The following GCN1 variants were observed in gnomAD, a reference collection of about 807,000 sequenced individuals.
The protein encoded by GCN1 is GCN1 activator of EIF2AK4, also known as stalled ribosome sensor GCN1.
Under a neutral mutation model 288.4 loss-of-function variants are expected in GCN1, and 90 were observed. The observed-to-expected ratio is 0.31, with a 90% CI of 0.26 to 0.37. The LOEUF (loss-of-function observed/expected upper bound fraction) is 0.37, where lower values mean the gene tolerates loss of function less well. GCN1 is among the 10% of genes least tolerant of loss of function. The pLI, the probability that GCN1 is intolerant of heterozygous loss-of-function variation, is 1.00. For synonymous variants in GCN1, 1,386 were observed against 1,420.2 expected (o/e 0.98, Z 0.54); for missense variants, 2,586 against 3,419.9 (o/e 0.76, Z 6.08).
intron 33 of GCN1, among the ~76,000 whole-genome samples, chr12:120,152,277 C>T (rs376004272): frequency 4.6e-5 from 7 of 151,832 alleles, no homozygotes; most frequent in African/African-American, 1.7e-4. Flanking sequence ...AATCCTCCCA[C>T]CTCAGCCTCC....
At chr12:120,174,662 G>A (rs1566315849) in intron 12 of GCN1, among the ~76,000 whole-genome samples, 2 of 151,778 alleles carry the variant, frequency 1.3e-5, no homozygotes, top group Non-Finnish European at 2.9e-5. Flanking sequence ...GTGGTGGTGT[G>A]TGCCTGTAGT....
Position 120,155,736 on chromosome 12 carries a change from T to C in GCN1, c.3313-17A>G, listed in dbSNP as rs558873988. ...CATCAGCCCCTGGAAGGGGTGGGAT[T>C]GGACCGTGTGAGGCATCATCTTTCA... On this transcript the variant is annotated splice_polypyrimidine_tract_variant and intron_variant, in intron 28 of 57. Transcript: ENST00000300648. The surrounding 1 kb of genome is among the most constrained non-coding windows in gnomAD (Gnocchi z 4.9). The C allele has an allele frequency of 5.9e-5, 96 of 1,613,748 alleles. 1 individual carries two copies. In the South Asian group the frequency reaches 9.8e-4, roughly 16 times the overall value.
At chr12:120,165,471 A>G (rs1222777628) in intron 16 of GCN1, among the ~76,000 whole-genome samples, 5 of 150,214 alleles carry the variant, frequency 3.3e-5, no homozygotes, top group Non-Finnish European at 7.4e-5. Flanking sequence ...CACCTAGCCT[A>G]TTTTTACTTT....
chr12:120,138,460 C>T, intron 46 of GCN1, 45 bp from the exon 47 acceptor site: 1 of 1,246,568 alleles, frequency 8.0e-7, no homozygotes, highest in Non-Finnish European at 1.2e-6. Flanking sequence ...TGCATCTCTG[C>T]TGTCTCAACC....
chr12:120,143,883 A>G (rs905409357), intron 42 of GCN1, among the ~76,000 whole-genome samples: 3 of 152,252 alleles, frequency 2.0e-5, no homozygotes, highest in Non-Finnish European at 2.9e-5. Flanking sequence ...AATGGTTAAA[A>G]GCAAGGGTCT....
rs1257685951 is a variant in GCN1 at position 120,130,683 on chromosome 12, C to T, written c.7634G>A (p.Gly2545Glu). The T allele has an allele frequency of 6.2e-7, 1 of 1,613,988 alleles. No homozygotes were observed. Among genetic ancestry groups the T allele is most frequent in the East Asian group, 2.2e-5 (1 of 44,880 alleles). Reference sequence around the variant, plus strand: ...GCTGGAAAGTTTGGCCGGCAACTGCCCTCCGCCTGTCTCGATGTGGTGTCT... The same window carrying T: ...GCTGGAAAGTTTGGCCGGCAACTGCTCTCCGCCTGTCTCGATGTGGTGTCT... ...LMRHHIETGG[G>E]QLPAKLSSLF... The change falls in exon 56 of 58, where the codon GGG becomes GAG. Residue 2545 changes from glycine to glutamate, a missense_variant. By Grantham distance (98) the Gly-to-Glu change is moderately conservative. Transcript: ENST00000300648.
At chr12:120,165,756 G>A (rs1185970987) in intron 16 of GCN1, among the ~76,000 whole-genome samples, 1 of 151,952 alleles carries the variant, frequency 6.6e-6, no homozygotes, top group Non-Finnish European at 1.5e-5. Flanking sequence ...TTACAGGCAT[G>A]AGCCACCATG....
At chr12:120,169,276 C>CAAAAAAAAAAAAAAAAAAAAAAAAAAA (rs35819206) in intron 15 of GCN1, among the ~76,000 whole-genome samples, 1 of 66,666 alleles carries the variant, frequency 1.5e-5, no homozygotes, top group Non-Finnish European at 2.6e-5. Context: ...AACTCCGTCT[C>CAAAAAAAAAAAAAAAAAAAAAAAAAAA]AAAAAAAAAA....
In GCN1 at chr12:120,144,922, C is replaced by T; in HGVS notation, c.5155+1G>A. 1 of 1,614,218 alleles carries T rather than the reference C, an allele frequency of 6.2e-7. No individual in the cohort carries two copies. Among genetic ancestry groups the T allele is most frequent in the Non-Finnish European group, 8.5e-7 (1 of 1,180,036 alleles). ...GGCCACTGGACCTGCTCTGGCCTTA[C>T]CCTGTGCAGCGCCTGAGCGATCCAC... is the stretch of plus-strand genomic sequence containing the variant. On this transcript the variant is annotated splice_donor_variant, in intron 40 of 57. Coordinates refer to ENST00000300648, the MANE Select transcript of GCN1 (RefSeq NM_006836.2). LOFTEE classifies it high-confidence loss of function. This position sits in a 1 kb window ranked among gnomAD's most constrained non-coding sequence, Gnocchi z 4.7.
Position 120,155,037 on chromosome 12 carries a change from G to T in GCN1, c.3634C>A (p.Pro1212Thr). ...MEIYQEKLYR[P>T]PPVLDALGRV... is the part of the protein sequence containing the mutation. The stretch of plus-strand genomic sequence containing the variant: ...CCCAAAGCATCCAGCACTGGGGGCG[G>T]CCGCTGCAACAGACAAGTTGGTAAA... The change falls in exon 31 of 58, where the codon CCG becomes ACG. Residue 1212 changes from proline (P) to threonine (T), a missense_variant. This residue lies in a region of GCN1 where 332 missense variants were observed against 403.0 expected (regional missense o/e 0.82). Transcript: ENST00000300648. The surrounding 1 kb of genome is among the most constrained non-coding windows in gnomAD (Gnocchi z 4.9). 1 of 1,613,472 alleles carries T rather than the reference G, an allele frequency of 6.2e-7. No homozygotes were observed.
chr12:120,134,095 A>C lies in GCN1; in HGVS notation c.7317+196T>G, dbSNP rs887133990. Among the ~76,000 whole-genome samples the C allele has an allele frequency of 2.0e-5, 3 of 152,156 alleles. No homozygotes were observed. The highest frequency in any genetic ancestry group is 1.3e-4 in the Admixed American group (2 of 15,272). ...ACAAACAAACAAACGGAAATAACCAATATATCCACAATACCTGCCCCGTTT... is the reference window on the plus strand; with the variant it reads ...ACAAACAAACAAACGGAAATAACCACTATATCCACAATACCTGCCCCGTTT... On this transcript the variant is annotated intron_variant, in intron 53 of 57. Transcript: ENST00000300648. This position sits in a 1 kb window ranked among gnomAD's most constrained non-coding sequence, Gnocchi z 5.0.
chr12:120,159,915 A>G lies in GCN1; in HGVS notation c.2659T>C (p.Leu887=), dbSNP rs376915663. 6.5e-5 allele frequency: 105 copies of G among 1,614,162 alleles called. No individual in the cohort carries two copies. The African/African-American group carries it at 1.3e-3, about 19-fold the overall frequency. ...GGAGCAGCCAGGGGAGACTTCAGCA[A>G]GGGCAGAAAAGAGTCGACCAAAACA... is the stretch of plus-strand genomic sequence containing the variant. ...IPVLVDSFLP[L]LKSPLAAPRI... Residue 887 remains leucine, a synonymous_variant, in exon 24 of 58, where the codon TTG becomes CTG. Transcript: ENST00000300648.
At chr12:120,177,806 T>A in intron 7 of GCN1, 54 bp from the exon 8 acceptor site, 2 of 1,266,464 alleles carry the variant, frequency 1.6e-6, no homozygotes. Context: ...ATCTCATCAC[T>A]GGCCTAAGGG....
In GCN1 at chr12:120,151,408, C is replaced by T. The variant is rs1399880287; in HGVS notation, c.4063-17G>A. On this transcript the variant is annotated splice_polypyrimidine_tract_variant and intron_variant, in intron 33 of 57. Transcript: ENST00000300648. Reference sequence around the variant, plus strand: ...CTCCTGGACCTGGGGAAGGGCCCACCTGTCAATGCTGTGGCTCCGCTGCAG... The same window carrying T: ...CTCCTGGACCTGGGGAAGGGCCCACTTGTCAATGCTGTGGCTCCGCTGCAG... The T allele has an allele frequency of 1.2e-6, 2 of 1,611,920 alleles. No homozygotes were observed. The highest frequency in any genetic ancestry group is 1.7e-5 in the Admixed American group (1 of 60,006).
chr12:120,161,840 T>C, intron 21 of GCN1, 40 bp downstream of exon 21: 3 of 1,593,088 alleles, frequency 1.9e-6, no homozygotes, highest in Non-Finnish European at 2.6e-6. Flanking sequence ...AACTATGCCT[T>C]GGGGAGCAAA....
intron 2 of GCN1, among the ~76,000 whole-genome samples, chr12:120,185,253 T>G (rs1321815897): frequency 6.6e-6 from 1 of 152,212 alleles, no homozygotes; most frequent in Non-Finnish European, 1.5e-5. Flanking sequence ...GAGGCGTACC[T>G]TTCTTCACAT....
Position 120,144,054 on chromosome 12 carries a change from G to A in GCN1, c.5495+252C>T, listed in dbSNP as rs112398510. On this transcript the variant is annotated intron_variant, in intron 42 of 57. Coordinates refer to ENST00000300648, the MANE Select transcript of GCN1 (RefSeq NM_006836.2). The surrounding 1 kb of genome is among the most constrained non-coding windows in gnomAD (Gnocchi z 4.7). ...TGCAGTGGCACAATCTCGGCTCACT[G>A]CAACCTCTACCTCTGGGGCTCAAGT... 1.5e-3 allele frequency among the ~76,000 whole-genome samples: 229 copies of A among 152,222 alleles called. No homozygotes were observed. Among genetic ancestry groups the A allele is most frequent in the African/African-American group, 5.3e-3 (220 of 41,542 alleles).
rs1387810467 is a variant in GCN1 at position 120,134,180 on chromosome 12, C to G, written c.7317+111G>C. On this transcript the variant is annotated intron_variant, in intron 53 of 57. Coordinates refer to ENST00000300648, the MANE Select transcript of GCN1 (RefSeq NM_006836.2). The surrounding 1 kb of genome is among the most constrained non-coding windows in gnomAD (Gnocchi z 5.0). ...CAGGGTGATAGAAATGTCAGGAATGCTTATTACTACTGAGCTGTACTGGTT... is the reference window on the plus strand; with the variant it reads ...CAGGGTGATAGAAATGTCAGGAATGGTTATTACTACTGAGCTGTACTGGTT... The G allele has an allele frequency of 1.5e-6, 1 of 687,394 alleles. No homozygotes were observed. The highest frequency in any genetic ancestry group is 1.7e-5 in the South Asian group (1 of 58,904). 42.6% of individuals were successfully genotyped at this position (687,394 alleles called of 1,614,324 possible).
chr12:120,141,855 T>C (rs563752007), intron 44 of GCN1, among the ~76,000 whole-genome samples: 20 of 152,316 alleles, frequency 1.3e-4, no homozygotes, highest in Admixed American at 4.6e-4. Flanking sequence ...TATAAGCATT[T>C]GCAGTGCCAT....
Sources: gnomAD v4.1 joint callset for allele counts (sites outside exome capture counted in the v4.1 genomes callset) on GRCh38, gnomAD v4.1.1 for gene constraint, gnomAD v4.1.1 regional missense constraint, Gnocchi (gnomAD v3.1) non-coding constraint, MANE v1.5 for transcripts, NCBI Gene and HGNC (gene_info 2026-07-23, HGNC 2026-07-21) for gene names.